Variants in ANKRD55 observed in about 807,000 individuals in gnomAD.
The protein encoded by ANKRD55 is ankyrin repeat domain-containing protein 55.
ANKRD55 carries 41 observed loss-of-function variants against 60.6 expected under a neutral mutation model. The observed-to-expected ratio is 0.68, with a 90% CI of 0.53 to 0.88. ANKRD55 has a LOEUF of 0.88. ANKRD55 is among the 40% of genes least tolerant of loss of function. The probability of loss-of-function intolerance (pLI) is 0.00; values close to 1 mark genes in which losing one functional copy is unlikely to be tolerated. For synonymous variants in ANKRD55, 264 were observed against 290.3 expected (o/e 0.91, Z 0.92); for missense variants, 732 against 767.6 (o/e 0.95, Z 0.55).
At chr5:56,138,835 T>A (rs1383449401) in intron 7 of ANKRD55, among the ~76,000 whole-genome samples, 1 of 151,704 alleles carries the variant, frequency 6.6e-6, no homozygotes, top group Non-Finnish European at 1.5e-5. Context: ...AGGGTAAGGG[T>A]GGAAAGAATA....
chr5:56,127,516 C>T, intron 7 of ANKRD55: 1 of 985,186 alleles, frequency 1.0e-6, no homozygotes, highest in South Asian at 4.7e-5. Flanking sequence ...TGACAGAGTT[C>T]ATCTTAATGT....
rs577939351 is a variant in ANKRD55, at chr5:56,127,489, G to T, written c.613-383C>A. On this transcript the variant is annotated intron_variant, in intron 7 of 11. Transcript: ENST00000341048. Reference sequence around the variant, plus strand: ...ATTTGTGTCCCCATTTGCTGTAGAGGCTGACCACCAAGAAACTGACAGAGT... The same window carrying T: ...ATTTGTGTCCCCATTTGCTGTAGAGTCTGACCACCAAGAAACTGACAGAGT... 3 of 985,252 alleles carry T rather than the reference G, an allele frequency of 3.0e-6. No homozygotes were observed. In the African/African-American group the frequency reaches 5.2e-5, roughly 17 times the overall value. 61.0% of individuals were successfully genotyped at this position (985,252 alleles called of 1,614,324 possible). A position where few individuals can be genotyped will look rare whatever the true frequency, so the allele number is the denominator to read the frequency against.
At chr5:56,131,763 T>G (rs895732884) in intron 7 of ANKRD55, among the ~76,000 whole-genome samples, 1 of 113,210 alleles carries the variant, frequency 8.8e-6, no homozygotes, top group African/African-American at 3.5e-5. Context: ...GCCATTGCAC[T>G]CCAGCCTGGG....
chr5:56,152,234 T>C, intron 6 of ANKRD55, among the ~76,000 whole-genome samples: 1 of 111,624 alleles, frequency 9.0e-6, no homozygotes. Flanking sequence ...TCAGGGACTG[T>C]TTCTTCTGCT....
At chr5:56,111,864 C>T (rs1756719353) in intron 9 of ANKRD55, 82 bp from the exon 10 acceptor site, 32 of 1,288,478 alleles carry the variant, frequency 2.5e-5, no homozygotes, top group Non-Finnish European at 3.0e-5. Context: ...ACCCCCTATT[C>T]CACATGCTTC....
chr5:56,144,661 G>T lies in ANKRD55; in HGVS notation c.484-732C>A, dbSNP rs568806568. 5.0e-4 allele frequency among the ~76,000 whole-genome samples: 76 copies of T among 152,300 alleles called. 1 individual carries two copies. The highest frequency in any genetic ancestry group is 1.8e-3 in the African/African-American group (75 of 41,558). ...AATGAAGGATTTTAAGCAGGTACTG[G>T]CATGATCAGATGTACACTGTTTAGA... On this transcript the variant is annotated intron_variant, in intron 6 of 11. Coordinates refer to ENST00000341048, the MANE Select transcript of ANKRD55 (RefSeq NM_024669.3).
At chr5:56,115,399 A>G (rs1193986670) in intron 9 of ANKRD55, among the ~76,000 whole-genome samples, 1 of 148,806 alleles carries the variant, frequency 6.7e-6, no homozygotes, top group Admixed American at 6.7e-5. Context: ...GCTTACTGCA[A>G]CCTCCACCTC....
chr5:56,157,436 G>A (rs1439842975), intron 6 of ANKRD55, among the ~76,000 whole-genome samples: 1 of 152,174 alleles, frequency 6.6e-6, no homozygotes, highest in Non-Finnish European at 1.5e-5. Context: ...GTGCTGAGGA[G>A]GATTAGTAAA....
At position 56,111,409 on chromosome 5, in the gene ANKRD55, G is replaced by A. The variant is rs1580940770; in HGVS notation, c.1339C>T (p.Leu447=). ...LPPITLGNNF[L]TASHRATSHA... ...GAAGTGGCCCTATGGGAGGCTGTTA[G>A]GAAGTTATTGCCCAGGGTGATGGGT... is the stretch of plus-strand genomic sequence containing the variant. Residue 447 remains leucine, a synonymous_variant, in exon 10 of 12, where the codon CTA becomes TTA. Coordinates refer to ENST00000341048, the MANE Select transcript of ANKRD55 (RefSeq NM_024669.3). 6.2e-7 allele frequency: 1 copy of A among 1,614,152 alleles called. No individual in the cohort carries two copies. The highest frequency in any genetic ancestry group is 8.5e-7 in the Non-Finnish European group (1 of 1,180,036).
At chr5:56,137,221 G>A (rs930474548) in intron 7 of ANKRD55, 10 of 1,609,154 alleles carry the variant, frequency 6.2e-6, no homozygotes, top group South Asian at 2.2e-5. Flanking sequence ...ACACAAGGTC[G>A]GTGGCCCAAA....
At chr5:56,107,872 C>T in intron 10 of ANKRD55, among the ~76,000 whole-genome samples, 1 of 145,736 alleles carries the variant, frequency 6.9e-6, no homozygotes, top group Admixed American at 6.9e-5. Context: ...TAGCAATAAA[C>T]TTTTTTTTTT....
chr5:56,124,034 G>A (rs76228874), intron 8 of ANKRD55, among the ~76,000 whole-genome samples: 2,107 of 152,250 alleles, frequency 0.014, 41 homozygotes, highest in Admixed American at 0.04. Context: ...AGGATGCAGC[G>A]TTGGTTGAGC....
At position 56,173,580 on chromosome 5, in the gene ANKRD55, CTCTATATATA is replaced by C. The variant is rs1201685942; in HGVS notation, c.312+2562_312+2571del. ...TCTCTCTCTCTCTCTCTCTCTCTCT[CTCTATATATA>C]TATATATATATATATATCTTGGCTC... On this transcript the variant is annotated intron_variant, in intron 4 of 11. Transcript: ENST00000341048. 2.3e-4 allele frequency among the ~76,000 whole-genome samples: 14 copies of C among 59,770 alleles called. No homozygotes were observed. In the East Asian group the frequency reaches 3.0e-3, roughly 13 times the overall value. 39.2% of individuals were successfully genotyped at this position (59,770 alleles called of 152,430 possible). A position where few individuals can be genotyped will look rare whatever the true frequency, so the allele number is the denominator to read the frequency against.
intron 6 of ANKRD55, chr5:56,157,139 T>C (rs901799742): frequency 2.0e-5 from 3 of 153,582 alleles, no homozygotes; most frequent in Non-Finnish European, 2.9e-5. Context: ...CCCATCCCTG[T>C]GCTCGCAGAA....
At chr5:56,230,362 G>T (rs1050487385) in intron 2 of ANKRD55, among the ~76,000 whole-genome samples, 7 of 152,142 alleles carry the variant, frequency 4.6e-5, no homozygotes, top group Non-Finnish European at 1.0e-4. Context: ...CAAAGCACTG[G>T]GATTACAGGC....
intron 7 of ANKRD55, among the ~76,000 whole-genome samples, chr5:56,138,127 CTTT>C (rs70995774): frequency 5.4e-5 from 7 of 129,844 alleles, no homozygotes; most frequent in Non-Finnish European, 3.2e-5. Flanking sequence ...GTTTCTTTTT[CTTT>C]TTTTTTTTTT....
intron 3 of ANKRD55, 58 bp downstream of exon 3, chr5:56,183,454 G>T: frequency 6.2e-7 from 1 of 1,600,430 alleles, no homozygotes; most frequent in Non-Finnish European, 8.5e-7. Flanking sequence ...ATGTCTGAAG[G>T]CCATCTCTAA....
intron 2 of ANKRD55, among the ~76,000 whole-genome samples, chr5:56,188,386 A>G (rs919814243): frequency 6.6e-5 from 10 of 151,572 alleles, no homozygotes; most frequent in African/African-American, 2.2e-4. Context: ...AAAGAAAAAG[A>G]AAAAAGAAAT....
At chr5:56,177,983 C>A (rs1403245984) in intron 3 of ANKRD55, among the ~76,000 whole-genome samples, 1 of 151,990 alleles carries the variant, frequency 6.6e-6, no homozygotes, top group Non-Finnish European at 1.5e-5. Context: ...TCTAGTAATT[C>A]TTTTAATATT....
Sources: gnomAD v4.1 joint callset for allele counts (sites outside exome capture counted in the v4.1 genomes callset) on GRCh38, gnomAD v4.1.1 for gene constraint, MANE v1.5 for transcripts, NCBI Gene and HGNC (gene_info 2026-07-23, HGNC 2026-07-21) for gene names.